STK39: variants seen among roughly 807,000 people sequenced by gnomAD.
The protein encoded by STK39 is serine/threonine kinase 39.
A neutral mutation model predicts 77.8 loss-of-function variants in STK39; 20 were observed. The observed-to-expected ratio is 0.26, with a 90% CI of 0.18 to 0.37. STK39 has a LOEUF of 0.37. Among genes scored for constraint, STK39 ranks in the 10% least tolerant of loss-of-function variants. STK39 has a pLI of 1.00. For synonymous variants in STK39, 246 were observed against 234.1 expected (o/e 1.05, Z -0.47); for missense variants, 479 against 656.5 (o/e 0.73, Z 2.95).
intron 17 of STK39, among the ~76,000 whole-genome samples, chr2:167,956,394 T>TA (rs1349152592): frequency 6.6e-6 from 1 of 151,876 alleles, no homozygotes; most frequent in African/African-American, 2.4e-5. Flanking sequence ...CCGTCTCTAC[T>TA]AAAATACAAA....
chr2:168,018,052 CT>C (rs1252073093), intron 14 of STK39, among the ~76,000 whole-genome samples: 1 of 152,002 alleles, frequency 6.6e-6, no homozygotes, highest in African/African-American at 2.4e-5. Flanking sequence ...ACATAAATAT[CT>C]GAGACACAAG....
At chr2:168,184,868 G>C (rs1161202568) in intron 1 of STK39, among the ~76,000 whole-genome samples, 3 of 152,210 alleles carry the variant, frequency 2.0e-5, no homozygotes, top group African/African-American at 7.2e-5. Flanking sequence ...GCTAGTACTA[G>C]ATTAGGATTC....
intron 1 of STK39, among the ~76,000 whole-genome samples, chr2:168,222,982 G>A (rs2105721855): frequency 6.6e-6 from 1 of 152,204 alleles, no homozygotes; most frequent in Admixed American, 6.5e-5. Context: ...AATCATCATT[G>A]TCATTTACTA....
chr2:167,964,775 C>T (rs1692100670), intron 16 of STK39, 49 bp from the exon 17 acceptor site: 2 of 1,503,996 alleles, frequency 1.3e-6, no homozygotes, highest in Admixed American at 1.9e-5. Flanking sequence ...TTTCCAATAA[C>T]AGTGGATTTT....
intron 1 of STK39, among the ~76,000 whole-genome samples, chr2:168,240,796 C>T (rs1334076441): frequency 6.6e-6 from 1 of 151,824 alleles, no homozygotes; most frequent in Non-Finnish European, 1.5e-5. Flanking sequence ...AAGCTTCAGA[C>T]AGACAGAGAT....
At chr2:168,075,916 C>T (rs1237694616) in intron 10 of STK39, among the ~76,000 whole-genome samples, 2 of 152,284 alleles carry the variant, frequency 1.3e-5, no homozygotes, top group East Asian at 3.9e-4. Context: ...TATAATCAGT[C>T]TTCCTCATTA....
chr2:168,175,686 G>A (rs966630622), intron 2 of STK39, among the ~76,000 whole-genome samples: 5 of 152,072 alleles, frequency 3.3e-5, no homozygotes, highest in African/African-American at 1.2e-4. Context: ...GAATGTTTTT[G>A]TGCTTTCAAA....
chr2:168,080,456 C>T (rs889715597), intron 10 of STK39, among the ~76,000 whole-genome samples: 6 of 151,930 alleles, frequency 3.9e-5, no homozygotes, highest in Admixed American at 1.3e-4. Flanking sequence ...AGTGAAACCC[C>T]GTCTCCACTA....
chr2:168,035,133 T>C (rs2105344306), intron 14 of STK39, among the ~76,000 whole-genome samples: 1 of 152,308 alleles, frequency 6.6e-6, no homozygotes, highest in East Asian at 1.9e-4. Context: ...GGGTTGTTCA[T>C]GCTTTTGACT....
chr2:168,129,406 C>G, intron 10 of STK39, 135 bp downstream of exon 10: 1 of 939,572 alleles, frequency 1.1e-6, no homozygotes, highest in Non-Finnish European at 1.6e-6. Context: ...ATGCAGTTAT[C>G]TGAGTAATCA....
At position 168,000,235 on chromosome 2, in the gene STK39, C is replaced by G. The variant is rs563239162; in HGVS notation, c.1498+12399G>C. 3.9e-5 allele frequency among the ~76,000 whole-genome samples: 6 copies of G among 152,242 alleles called. No homozygotes were observed. The East Asian group carries it at 9.6e-4, about 24-fold the overall frequency. On this transcript the variant is annotated intron_variant, in intron 16 of 17. Transcript: ENST00000355999. ...CCTAAAGCCACTGTTCAGAGTTATT[C>G]TAAGTGCAGAGTTCTATATTTCTGA...
intron 1 of STK39, among the ~76,000 whole-genome samples, chr2:168,242,442 G>C (rs1038558820): frequency 3.3e-5 from 5 of 150,068 alleles, no homozygotes; most frequent in Non-Finnish European, 7.4e-5. Context: ...CTAGCTACTC[G>C]GGAGGCTGAG....
At chr2:168,062,744 T>C (rs146417188) in intron 14 of STK39, among the ~76,000 whole-genome samples, 1 of 152,368 alleles carries the variant, frequency 6.6e-6, no homozygotes, top group African/African-American at 2.4e-5. Context: ...GCACGTGCTT[T>C]ATTTGTTTAA....
rs773159718 is a variant in STK39, at chr2:168,017,052, G to A, written c.1420C>T (p.Pro474Ser). 2 of 1,604,764 alleles carry A rather than the reference G, an allele frequency of 1.2e-6. No homozygotes were observed. Among genetic ancestry groups the A allele is most frequent in the South Asian group, 1.1e-5 (1 of 89,430 alleles). The change falls in exon 15 of 18, where the codon CCA (proline) becomes TCA (serine). Residue 474 changes from proline (P) to serine (S), a missense_variant. Transcript: ENST00000355999. ...TTCAATTAAAACTTACCTCTTCCTGGAGTAAACTCAAATCGTATGTCATTA... is the reference window on the plus strand; with the variant it reads ...TTCAATTAAAACTTACCTCTTCCTGAAGTAAACTCAAATCGTATGTCATTA... Reference protein sequence around the residue: ...ELNDIRFEFTPGRDTADGVSQ... With the variant: ...ELNDIRFEFTSGRDTADGVSQ...
At chr2:168,025,779 G>A (rs1173519833) in intron 14 of STK39, among the ~76,000 whole-genome samples, 2 of 152,234 alleles carry the variant, frequency 1.3e-5, no homozygotes, top group African/African-American at 4.8e-5. Context: ...GCCACGAAGT[G>A]AAAGGGGCAG....
chr2:168,168,667 C>A (rs1243714974), intron 2 of STK39, among the ~76,000 whole-genome samples: 1 of 152,166 alleles, frequency 6.6e-6, no homozygotes, highest in East Asian at 1.9e-4. Flanking sequence ...ATATGTAACA[C>A]TCATACGTTC....
chr2:168,164,761 A>C (rs1688657559), intron 3 of STK39, among the ~76,000 whole-genome samples: 1 of 152,180 alleles, frequency 6.6e-6, no homozygotes, highest in African/African-American at 2.4e-5. Flanking sequence ...TACAATAAAC[A>C]AACAGATACC....
chr2:168,142,768 A>G (rs1688028743), intron 5 of STK39, among the ~76,000 whole-genome samples: 1 of 152,208 alleles, frequency 6.6e-6, no homozygotes, highest in East Asian at 1.9e-4. Flanking sequence ...TCAGAACAAA[A>G]ATTTCAGGAG....
intron 5 of STK39, among the ~76,000 whole-genome samples, chr2:168,157,662 A>G (rs1381275657): frequency 1.3e-5 from 2 of 152,116 alleles, no homozygotes; most frequent in African/African-American, 2.4e-5. Context: ...GGCCCTACTC[A>G]TGAGGGTTTA....
Sources: gnomAD v4.1 joint callset for allele counts (sites outside exome capture counted in the v4.1 genomes callset) on GRCh38, gnomAD v4.1.1 for gene constraint, MANE v1.5 for transcripts, NCBI Gene and HGNC (gene_info 2026-07-23, HGNC 2026-07-21) for gene names.